CEP95: variants seen among roughly 807,000 people sequenced by gnomAD.
CEP95 encodes the protein centrosomal protein of 95 kDa.
A neutral mutation model predicts 111.2 loss-of-function variants in CEP95; 98 were observed. The observed-to-expected ratio is 0.88, with a 90% CI of 0.75 to 1.04. CEP95 has a LOEUF of 1.04. Among genes scored for constraint, CEP95 ranks in the 50% least tolerant of loss-of-function variants. The pLI is 0.00. For missense variants in CEP95, 1,027 were observed against 977.2 expected (o/e 1.05, Z -0.68); for synonymous variants, 323 against 327.1 (o/e 0.99, Z 0.14).
At chr17:64,519,131 T>C (rs1967111990) in intron 5 of CEP95, among the ~76,000 whole-genome samples, 190 bp from the exon 6 acceptor site, 1 of 152,264 alleles carries the variant, frequency 6.6e-6, no homozygotes, top group South Asian at 2.1e-4. Context: ...ATACATTTAA[T>C]CGTTGACACT....
intron 7 of CEP95, 140 bp from the exon 8 acceptor site, chr17:64,522,562 T>C (rs1967436880): frequency 5.4e-6 from 3 of 556,722 alleles, no homozygotes; most frequent in East Asian, 3.0e-5. Flanking sequence ...GGTTTAATTA[T>C]TTTTTTATGT....
chr17:64,534,537 A>G lies in CEP95; in HGVS notation c.1918-48A>G, dbSNP rs782786332. ...GGCAGATGAGAACGCTGGAATCTGC[A>G]TTCCTCTTGTCCTTACCCTTCTCTT... is the stretch of plus-strand genomic sequence containing the variant. On this transcript the variant is annotated intron_variant, in intron 16 of 19. Coordinates refer to ENST00000556440, the MANE Select transcript of CEP95 (RefSeq NM_138363.3). 3.9e-6 allele frequency: 6 copies of G among 1,545,286 alleles called. No individual in the cohort carries two copies. In the African/African-American group the frequency reaches 6.8e-5, roughly 18 times the overall value.
rs200800768 is a variant in CEP95 at position 64,507,061 on chromosome 17, G to A, written c.-37G>A. 11 of 1,550,716 alleles carry A rather than the reference G, an allele frequency of 7.1e-6. No homozygotes were observed. The East Asian group carries it at 2.4e-4, about 34-fold the overall frequency. Reference sequence around the variant, plus strand: ...CTTCCAGGACACCGTCGCCTTCCCGGCCGCGTCGGAGTCCGGCGGCGACCT... The same window carrying A: ...CTTCCAGGACACCGTCGCCTTCCCGACCGCGTCGGAGTCCGGCGGCGACCT... On this transcript the variant is annotated 5_prime_UTR_variant, in exon 1 of 20. Coordinates refer to ENST00000556440, the MANE Select transcript of CEP95 (RefSeq NM_138363.3).
intron 3 of CEP95, among the ~76,000 whole-genome samples, chr17:64,513,178 C>T (rs1555675515): frequency 2.0e-5 from 3 of 152,158 alleles, no homozygotes; most frequent in Non-Finnish European, 2.9e-5. Context: ...GTTGTCGTTA[C>T]TAGTAGTAGT....
intron 6 of CEP95, among the ~76,000 whole-genome samples, chr17:64,519,935 C>T (rs2144417194): frequency 6.6e-6 from 1 of 152,340 alleles, no homozygotes; most frequent in African/African-American, 2.4e-5. Context: ...AATCATCCTA[C>T]TCCATCCTGT....
chr17:64,523,566 C>CAAAA (rs543447385), intron 8 of CEP95, among the ~76,000 whole-genome samples: 1 of 139,934 alleles, frequency 7.1e-6, no homozygotes, highest in African/African-American at 2.6e-5. Flanking sequence ...GACTTCATCT[C>CAAAA]AAAAAAAAAA....
At chr17:64,531,379 G>T (rs1968270957) in intron 13 of CEP95, among the ~76,000 whole-genome samples, 1 of 152,204 alleles carries the variant, frequency 6.6e-6, no homozygotes, top group African/African-American at 2.4e-5. Flanking sequence ...AGACCTGGTT[G>T]TAAGAAACCC....
chr17:64,517,736 A>G (rs1019466070), intron 5 of CEP95, among the ~76,000 whole-genome samples: 5 of 133,320 alleles, frequency 3.8e-5, no homozygotes, highest in African/African-American at 1.4e-4. Context: ...ATCTTGCTAT[A>G]TTGACCAGGC....
At chr17:64,520,438 T>C (rs1555677371) in intron 6 of CEP95, 2 of 150,184 alleles carry the variant, frequency 1.3e-5, no homozygotes, top group African/African-American at 4.9e-5. Flanking sequence ...TAATTTAAGC[T>C]TCAATATATG....
chr17:64,513,154 G>C (rs1449158347), intron 3 of CEP95, among the ~76,000 whole-genome samples: 1 of 152,112 alleles, frequency 6.6e-6, no homozygotes, highest in East Asian at 1.9e-4. Context: ...TGTTTTAAAC[G>C]AAAAAACTCA....
At chr17:64,520,888 A>G (rs143714041) in intron 6 of CEP95, among the ~76,000 whole-genome samples, 38 of 152,332 alleles carry the variant, frequency 2.5e-4, no homozygotes, top group African/African-American at 8.9e-4. Context: ...CTTTGCTTTT[A>G]AATTGTATAA....
chr17:64,508,940 A>G (rs782652922), intron 2 of CEP95, among the ~76,000 whole-genome samples: 18 of 151,962 alleles, frequency 1.2e-4, no homozygotes, highest in Non-Finnish European at 2.2e-4. Flanking sequence ...ATAATATTGT[A>G]TTCCTTAAGG....
intron 1 of CEP95, 66 bp from the exon 2 acceptor site, chr17:64,508,526 T>C: frequency 7.9e-7 from 1 of 1,271,758 alleles, no homozygotes; most frequent in Non-Finnish European, 1.0e-6. Context: ...GTTGGATTTT[T>C]TAAATGTCTG....
intron 19 of CEP95, 106 bp downstream of exon 19, chr17:64,537,218 C>T: frequency 6.6e-7 from 1 of 1,518,126 alleles, no homozygotes; most frequent in Admixed American, 2.2e-5. Context: ...TCATATAGCC[C>T]CGGTGTGCAG....
At chr17:64,534,336 T>C (rs1233785610) in intron 16 of CEP95, 2 of 376,552 alleles carry the variant, frequency 5.3e-6, no homozygotes, top group Non-Finnish European at 9.7e-6. Context: ...GCATGGGGAG[T>C]GAGCCCTCAG....
chr17:64,534,885 C>A (rs1968546057), intron 17 of CEP95, 148 bp downstream of exon 17: 1 of 857,024 alleles, frequency 1.2e-6, no homozygotes, highest in East Asian at 2.7e-5. Context: ...TCTGCTTGGC[C>A]ACACTTCATT....
chr17:64,534,684 TA>T lies in CEP95; in HGVS notation c.2018del (p.Tyr673LeufsTer9). 2 of 1,613,364 alleles carry T rather than the reference TA, an allele frequency of 1.2e-6. No individual in the cohort carries two copies. The highest frequency in any genetic ancestry group is 1.7e-6 in the Non-Finnish European group (2 of 1,179,588). Reference protein sequence around the residue: ...IVRARKYYDDYRVQLCAKMMR... With the variant: ...IVRARKYYDDXRVQLCAKMMR... Reference sequence around the variant, plus strand: ...TCGTGCTCGAAAATATTATGATGATTATAGAGTTCAGTTGTGTGCAAAAATG... The same window carrying T: ...TCGTGCTCGAAAATATTATGATGATTTAGAGTTCAGTTGTGTGCAAAAATG... On this transcript the variant is annotated frameshift_variant, in exon 17 of 20. Transcript: ENST00000556440. LOFTEE classifies it high-confidence loss of function.
At chr17:64,521,225 A>G (rs1967310460) in intron 6 of CEP95, among the ~76,000 whole-genome samples, 177 bp from the exon 7 acceptor site, 1 of 152,200 alleles carries the variant, frequency 6.6e-6, no homozygotes, top group South Asian at 2.1e-4. Context: ...GACAAGAGGG[A>G]AATGCTGTCT....
At chr17:64,513,195 C>T (rs2038980758) in intron 3 of CEP95, among the ~76,000 whole-genome samples, 1 of 152,138 alleles carries the variant, frequency 6.6e-6, no homozygotes, top group Non-Finnish European at 1.5e-5. Context: ...TAGTATAAAA[C>T]GTCAAATTTC....
Sources: gnomAD v4.1 joint callset for allele counts (sites outside exome capture counted in the v4.1 genomes callset) on GRCh38, gnomAD v4.1.1 for gene constraint, MANE v1.5 for transcripts, NCBI Gene and HGNC (gene_info 2026-07-23, HGNC 2026-07-21) for gene names.